CTXND1: variants seen among roughly 807,000 people sequenced by gnomAD.
CTXND1 encodes the protein cortexin domain-containing 1 protein.
At chr15:80,248,431 C>T (rs1476283472) in intron 1 of CTXND1, among the ~76,000 whole-genome samples, 1 of 152,184 alleles carries the variant, frequency 6.6e-6, no homozygotes, top group African/African-American at 2.4e-5. Flanking sequence ...GAAACAATTT[C>T]AGGAGTTTTG....
intron 1 of CTXND1, among the ~76,000 whole-genome samples, chr15:80,228,876 C>T (rs1356093750): frequency 1.3e-5 from 2 of 152,106 alleles, no homozygotes; most frequent in African/African-American, 2.4e-5. Flanking sequence ...GATCCACCTG[C>T]CTCGGCCCCC....
At chr15:80,203,404 C>T (rs1478220234) in intron 2 of CTXND1, among the ~76,000 whole-genome samples, 185 bp downstream of exon 2, 1 of 152,216 alleles carries the variant, frequency 6.6e-6, no homozygotes, top group Non-Finnish European at 1.5e-5. Flanking sequence ...CACCCGAGGT[C>T]CCTACATGTC....
chr15:80,231,094 A>G lies in CTXND1; in HGVS notation c.-218+20913T>C, dbSNP rs1287172491. On this transcript the variant is annotated intron_variant, in intron 1 of 2. Coordinates refer to ENST00000560778, the MANE Select transcript of CTXND1 (RefSeq NM_001352888.2). ...AAAAAAGTGTGTTGCTTAATTTCCA[A>G]GCATTTAGAGATTTTTTTTTTTTGG... 2.0e-5 allele frequency among the ~76,000 whole-genome samples: 3 copies of G among 151,782 alleles called. No individual in the cohort carries two copies. In the East Asian group the frequency reaches 5.8e-4, roughly 29 times the overall value.
intron 1 of CTXND1, among the ~76,000 whole-genome samples, chr15:80,241,489 C>T (rs995084070): frequency 1.3e-5 from 2 of 152,130 alleles, no homozygotes; most frequent in South Asian, 2.1e-4. Context: ...GAACTGAGGA[C>T]CCCCTTTTGG....
At chr15:80,215,221 G>A (rs1481998387) in intron 1 of CTXND1, among the ~76,000 whole-genome samples, 1 of 152,178 alleles carries the variant, frequency 6.6e-6, no homozygotes, top group African/African-American at 2.4e-5. Flanking sequence ...ACCTACGCTT[G>A]AAACTCCTCC....
chr15:80,202,309 G>A (rs1056836773), intron 2 of CTXND1, among the ~76,000 whole-genome samples: 1 of 152,124 alleles, frequency 6.6e-6, no homozygotes, highest in Non-Finnish European at 1.5e-5. Flanking sequence ...GTGGGGCTGA[G>A]GGTTGGGTGG....
intron 1 of CTXND1, among the ~76,000 whole-genome samples, chr15:80,245,276 C>A (rs547747080): frequency 6.6e-6 from 1 of 152,320 alleles, no homozygotes; most frequent in African/African-American, 2.4e-5. Context: ...CCTCACCAGG[C>A]ACCTTGACAG....
intron 1 of CTXND1, among the ~76,000 whole-genome samples, chr15:80,216,301 C>T (rs569981849): frequency 6.6e-5 from 10 of 152,240 alleles, no homozygotes; most frequent in East Asian, 5.8e-4. Flanking sequence ...ATCCCCTCTG[C>T]GCAGCTACAT....
intron 1 of CTXND1, among the ~76,000 whole-genome samples, chr15:80,232,264 C>T (rs1286373748): frequency 1.3e-5 from 2 of 152,066 alleles, no homozygotes; most frequent in Non-Finnish European, 2.9e-5. Flanking sequence ...TACCTCCCTG[C>T]CCCCGATCCT....
intron 1 of CTXND1, among the ~76,000 whole-genome samples, chr15:80,232,385 T>C (rs1206903350): frequency 1.3e-5 from 2 of 152,234 alleles, no homozygotes; most frequent in African/African-American, 2.4e-5. Context: ...CTCATGTTTC[T>C]AATCTGATTG....
chr15:80,225,086 T>A (rs1236606976), intron 1 of CTXND1, among the ~76,000 whole-genome samples: 1 of 152,236 alleles, frequency 6.6e-6, no homozygotes, highest in Admixed American at 6.5e-5. Context: ...TCTTTTATCC[T>A]TATACGTGAA....
chr15:80,212,325 A>C (rs1163810753), intron 1 of CTXND1, among the ~76,000 whole-genome samples: 1 of 152,220 alleles, frequency 6.6e-6, no homozygotes, highest in East Asian at 1.9e-4. Flanking sequence ...TCCAAGGTAG[A>C]TGAATATCAG....
chr15:80,218,724 A>G (rs987038827), intron 1 of CTXND1, among the ~76,000 whole-genome samples: 2 of 151,950 alleles, frequency 1.3e-5, no homozygotes, highest in Admixed American at 6.6e-5. Flanking sequence ...CAATATTAGT[A>G]TTTCACCCTG....
At chr15:80,212,426 A>G (rs1893211730) in intron 1 of CTXND1, among the ~76,000 whole-genome samples, 1 of 152,238 alleles carries the variant, frequency 6.6e-6, no homozygotes, top group African/African-American at 2.4e-5. Flanking sequence ...TGGATATTCA[A>G]TGTTAAATCA....
At chr15:80,229,131 G>A (rs1225055533) in intron 1 of CTXND1, among the ~76,000 whole-genome samples, 2 of 152,106 alleles carry the variant, frequency 1.3e-5, no homozygotes, top group Non-Finnish European at 2.9e-5. Context: ...ACCCTGAGCT[G>A]GGTAAGGCTG....
intron 1 of CTXND1, among the ~76,000 whole-genome samples, chr15:80,240,516 C>A (rs1274874958): frequency 6.6e-6 from 1 of 152,152 alleles, no homozygotes; most frequent in Non-Finnish European, 1.5e-5. Context: ...CACTCCCCCC[C>A]CACCACCCAA....
intron 1 of CTXND1, among the ~76,000 whole-genome samples, chr15:80,208,115 G>A (rs117274815): frequency 0.015 from 2,284 of 152,182 alleles, 18 homozygotes; most frequent in Middle Eastern, 0.024. Context: ...CTTTTGCCCT[G>A]GGATTTTGAA....
At chr15:80,228,636 C>CTTTTTT (rs58443773) in intron 1 of CTXND1, among the ~76,000 whole-genome samples, 26,461 of 139,614 alleles carry the variant, frequency 0.19, 2,781 homozygotes, top group South Asian at 0.24. Context: ...AAATCTGAAA[C>CTTTTTT]TTTTTTTTTT....
intron 1 of CTXND1, among the ~76,000 whole-genome samples, chr15:80,249,781 C>T (rs757018663): frequency 2.6e-5 from 4 of 152,230 alleles, no homozygotes; most frequent in Non-Finnish European, 4.4e-5. Flanking sequence ...TTCGCTGACT[C>T]TCTGATTGTA....
Sources: allele counts gnomAD v4.1 joint callset (sites outside exome capture counted in the v4.1 genomes callset), GRCh38; gene constraint gnomAD v4.1.1; transcripts MANE v1.5; gene names NCBI Gene and HGNC (gene_info 2026-07-23, HGNC 2026-07-21).